The following MPDZ variants were observed in gnomAD, a reference collection of about 807,000 sequenced individuals.
The protein encoded by MPDZ is multiple PDZ domain crumbs cell polarity complex component.
MPDZ carries 234 observed loss-of-function variants against 239.1 expected under a neutral mutation model. The ratio of observed to expected loss-of-function variants is 0.98; its 90% CI spans 0.88 to 1.09. The LOEUF (loss-of-function observed/expected upper bound fraction) is 1.09, where lower values mean the gene tolerates loss of function less well. MPDZ is among the 50% of genes least tolerant of loss of function. MPDZ has a pLI of 0.00. For synonymous variants in MPDZ, 1,048 were observed against 881.3 expected (o/e 1.19, Z -3.35); for missense variants, 3,175 against 2,510.0 (o/e 1.26, Z -5.66).
chr9:13,121,116 G>A (rs180873379), intron 38 of MPDZ, among the ~76,000 whole-genome samples: 18 of 152,188 alleles, frequency 1.2e-4, no homozygotes, highest in Admixed American at 6.5e-4. Flanking sequence ...GAATTTTTGC[G>A]CATTCACTAT....
intron 18 of MPDZ, among the ~76,000 whole-genome samples, chr9:13,184,175 A>G (rs1165130278): frequency 6.6e-6 from 1 of 152,086 alleles, no homozygotes; most frequent in African/African-American, 2.4e-5. Flanking sequence ...TTTAAGTTAT[A>G]AACTTGTAAG....
At chr9:13,154,636 A>C (rs541872593) in intron 24 of MPDZ, among the ~76,000 whole-genome samples, 1 of 152,300 alleles carries the variant, frequency 6.6e-6, no homozygotes, top group East Asian at 1.9e-4. Flanking sequence ...AGCAATTGAT[A>C]AATCTTTTAT....
At chr9:13,115,825 G>C (rs1943333991) in intron 39 of MPDZ, among the ~76,000 whole-genome samples, 2 of 151,756 alleles carry the variant, frequency 1.3e-5, no homozygotes, top group African/African-American at 4.8e-5. Flanking sequence ...GGCGCCTGTA[G>C]TCCCAGCTAC....
intron 1 of MPDZ, chr9:13,276,772 C>G (rs1173688020): frequency 1.3e-5 from 2 of 152,166 alleles, no homozygotes; most frequent in African/African-American, 4.8e-5. Flanking sequence ...GCAACTCAAC[C>G]TGAGAGAGAC....
intron 1 of MPDZ, among the ~76,000 whole-genome samples, chr9:13,257,973 C>A (rs890740392): frequency 6.6e-6 from 1 of 152,188 alleles, no homozygotes; most frequent in African/African-American, 2.4e-5. Flanking sequence ...TTAGCTTTCA[C>A]GCTTCCTGTA....
intron 37 of MPDZ, 29 bp from the exon 38 acceptor site, chr9:13,121,961 G>C: frequency 6.2e-7 from 1 of 1,606,020 alleles, no homozygotes; most frequent in Non-Finnish European, 8.5e-7. Flanking sequence ...CTGACTGTAA[G>C]GAACATGAGA....
At chr9:13,196,072 C>G (rs1955608061) in intron 13 of MPDZ, 49 bp downstream of exon 13, 2 of 1,284,762 alleles carry the variant, frequency 1.6e-6, no homozygotes, top group African/African-American at 1.5e-5. Context: ...GAACTGCCTG[C>G]TCAAATACAG....
In MPDZ at chr9:13,125,220, G is replaced by A. The variant is rs775352642; in HGVS notation, c.4803C>T (p.Ile1601=). The change falls in exon 35 of 47, where the codon ATC becomes ATT. Residue 1601 remains isoleucine, a synonymous_variant. Coordinates refer to ENST00000319217, the MANE Select transcript of MPDZ (RefSeq NM_001378778.1). ...TCATGAGTCCAGAGGCCTTACTTCG[G>A]ATGGACTCCGGTTCTGGGGAGCCAG... ...PQSGSPEPES[I]RNTSRSSTPA... 1.9e-6 allele frequency: 3 copies of A among 1,592,284 alleles called. No individual in the cohort carries two copies. The highest frequency in any genetic ancestry group is 2.7e-5 in the African/African-American group (2 of 74,330).
chr9:13,271,863 T>A (rs982632496), intron 1 of MPDZ, among the ~76,000 whole-genome samples: 1 of 152,090 alleles, frequency 6.6e-6, no homozygotes, highest in Admixed American at 6.5e-5. Flanking sequence ...CCCAAAATAA[T>A]CACATAGTGA....
intron 19 of MPDZ, among the ~76,000 whole-genome samples, chr9:13,178,408 C>T (rs1305735526): frequency 6.6e-6 from 1 of 152,056 alleles, no homozygotes. Context: ...TAGTGTATTA[C>T]TATGTGTGTT....
At chr9:13,182,376 CATAAT>C (rs1953463987) in intron 19 of MPDZ, among the ~76,000 whole-genome samples, 1 of 152,074 alleles carries the variant, frequency 6.6e-6, no homozygotes, top group Admixed American at 6.6e-5. Context: ...TCTCTTTCCT[CATAAT>C]ATGTTATAAT....
rs1944382505 is a variant in MPDZ at position 13,121,747 on chromosome 9, A to C, written c.5223T>G (p.Val1741=). The C allele has an allele frequency of 3.1e-6, 5 of 1,613,934 alleles. No homozygotes were observed. In the Middle Eastern group the frequency reaches 8.2e-4, roughly 266 times the overall value. The change falls in exon 38 of 47, where the codon GTT becomes GTG. Residue 1741 remains valine (V), a synonymous_variant. Coordinates refer to ENST00000319217, the MANE Select transcript of MPDZ (RefSeq NM_001378778.1). ...GTCCTCCTCAATCACACCTTTTACCAACAATACTTAATCCTAGGCCTTTTC... is the reference window on the plus strand; with the variant it reads ...GTCCTCCTCAATCACACCTTTTACCCACAATACTTAATCCTAGGCCTTTTC... ...KPGKGLGLSI[V]GKRNDTGVFV...
In MPDZ at chr9:13,150,888, C is replaced by T. The variant is rs559142443; in HGVS notation, c.3453-200G>A. Among the ~76,000 whole-genome samples, 20 of 151,566 alleles carry T rather than the reference C, an allele frequency of 1.3e-4. No individual in the cohort carries two copies. In the East Asian group the frequency reaches 2.1e-3, roughly 16 times the overall value. ...CTCAATAGAGTAAAAAGGCAACCAA[C>T]GGAAAGGAAAAAAGTATCTGCTAAT... On this transcript the variant is annotated intron_variant, in intron 24 of 46. Coordinates refer to ENST00000319217, the MANE Select transcript of MPDZ (RefSeq NM_001378778.1).
chr9:13,232,811 G>C (rs999484866), intron 3 of MPDZ, among the ~76,000 whole-genome samples: 6 of 130,518 alleles, frequency 4.6e-5, no homozygotes, highest in Non-Finnish European at 8.1e-5. Flanking sequence ...GAAATATAAA[G>C]AACTCTTGTA....
intron 23 of MPDZ, among the ~76,000 whole-genome samples, chr9:13,160,721 C>T (rs1950356830): frequency 2.0e-5 from 3 of 150,266 alleles, no homozygotes; most frequent in Non-Finnish European, 4.4e-5. Flanking sequence ...TCCTTGGGTC[C>T]AACATCCATG....
At chr9:13,119,421 A>C in intron 39 of MPDZ, 81 bp downstream of exon 39, 1 of 1,468,094 alleles carries the variant, frequency 6.8e-7, no homozygotes, top group South Asian at 1.3e-5. Flanking sequence ...AGTCATTACT[A>C]ATTTGACTAT....
At chr9:13,242,724 T>C (rs941638800) in intron 3 of MPDZ, among the ~76,000 whole-genome samples, 2 of 152,122 alleles carry the variant, frequency 1.3e-5, no homozygotes, top group East Asian at 1.9e-4. Flanking sequence ...ATACCCCTCA[T>C]ATAATCTACT....
intron 1 of MPDZ, 138 bp downstream of exon 1, chr9:13,279,262 C>CACCCCA (rs1975049299): frequency 7.6e-6 from 1 of 132,130 alleles, no homozygotes; most frequent in Non-Finnish European, 1.7e-5. Context: ...CCCCCACCCC[C>CACCCCA]ACCCCCACCC....
At chr9:13,134,864 C>T (rs750686301) in intron 31 of MPDZ, 1 of 152,306 alleles carries the variant, frequency 6.6e-6, no homozygotes, top group Non-Finnish European at 1.5e-5. Flanking sequence ...GAAGGACACT[C>T]TTCTCCGCTG....
Sources: allele counts gnomAD v4.1 joint callset (sites outside exome capture counted in the v4.1 genomes callset), GRCh38; gene constraint gnomAD v4.1.1; transcripts MANE v1.5; gene names NCBI Gene and HGNC (gene_info 2026-07-23, HGNC 2026-07-21).